Variants in FARS2 observed in about 807,000 individuals in gnomAD.
FARS2 encodes phenylalanine--tRNA ligase, mitochondrial.
A neutral mutation model predicts 46.4 loss-of-function variants in FARS2; 40 were observed. The observed-to-expected ratio is 0.86, with a 90% CI of 0.67 to 1.12. The LOEUF (loss-of-function observed/expected upper bound fraction) is 1.12. Among genes scored for constraint, FARS2 ranks in the 50% most tolerant of loss-of-function variants. FARS2 has a pLI of 0.00. For missense variants in FARS2, 513 were observed against 567.9 expected (o/e 0.90, Z 0.98); for synonymous variants, 234 against 214.9 (o/e 1.09, Z -0.78).
intron 4 of FARS2, among the ~76,000 whole-genome samples, chr6:5,487,335 G>A (rs1008231274): frequency 6.6e-6 from 1 of 152,150 alleles, no homozygotes; most frequent in East Asian, 1.9e-4. Context: ...AGCAGAGTTA[G>A]GGAGAACCAG....
intron 6 of FARS2, among the ~76,000 whole-genome samples, chr6:5,741,458 G>A (rs1194571139): frequency 6.6e-6 from 1 of 152,146 alleles, no homozygotes; most frequent in Non-Finnish European, 1.5e-5. Context: ...GGATTAGAAT[G>A]CCCAGCAGCT....
chr6:5,719,396 T>TAAAAAA (rs55695285), intron 6 of FARS2, among the ~76,000 whole-genome samples: 2 of 123,052 alleles, frequency 1.6e-5, no homozygotes, highest in African/African-American at 3.1e-5. Context: ...CAAAAAAAAT[T>TAAAAAA]AAAAAAAAAA....
chr6:5,543,578 G>A (rs1770766805), intron 4 of FARS2, among the ~76,000 whole-genome samples: 1 of 152,100 alleles, frequency 6.6e-6, no homozygotes, highest in Admixed American at 6.5e-5. Context: ...GGCCAGGCTG[G>A]TCTTGAACTC....
chr6:5,297,709 A>C (rs956497974), intron 1 of FARS2, among the ~76,000 whole-genome samples: 1 of 152,246 alleles, frequency 6.6e-6, no homozygotes, highest in Admixed American at 6.5e-5. Flanking sequence ...ACAACAACGA[A>C]ACTAAGCTTT....
intron 4 of FARS2, among the ~76,000 whole-genome samples, chr6:5,503,910 G>A (rs1218781761): frequency 2.0e-5 from 3 of 152,174 alleles, no homozygotes; most frequent in Non-Finnish European, 4.4e-5. Context: ...GGTAATGAGT[G>A]TATGAATCCT....
intron 6 of FARS2, among the ~76,000 whole-genome samples, chr6:5,740,657 G>A (rs1411033972): frequency 2.0e-5 from 3 of 152,138 alleles, no homozygotes; most frequent in East Asian, 1.9e-4. Context: ...GGAAGAAAGC[G>A]TGCTTCACCT....
intron 4 of FARS2, among the ~76,000 whole-genome samples, chr6:5,455,861 T>C (rs1764819615): frequency 6.6e-6 from 1 of 152,202 alleles, no homozygotes; most frequent in East Asian, 1.9e-4. Context: ...TTAGAAATGG[T>C]ATTTAAGATT....
chr6:5,544,748 T>A (rs1052151439), intron 4 of FARS2, among the ~76,000 whole-genome samples: 2 of 152,234 alleles, frequency 1.3e-5, no homozygotes, highest in Admixed American at 6.5e-5. Flanking sequence ...CTAAACATGT[T>A]ATGGCCACTA....
chr6:5,612,213 G>T (rs1775226970), intron 5 of FARS2, among the ~76,000 whole-genome samples: 1 of 152,190 alleles, frequency 6.6e-6, no homozygotes, highest in Admixed American at 6.5e-5. Flanking sequence ...TAGTTCTTCA[G>T]ATACTTTGCC....
intron 4 of FARS2, chr6:5,466,494 T>G (rs950357680): frequency 4.1e-6 from 4 of 975,440 alleles, no homozygotes; most frequent in Non-Finnish European, 4.9e-6. Flanking sequence ...AAATGTTTAG[T>G]GGAAGAAGAT....
intron 5 of FARS2, among the ~76,000 whole-genome samples, chr6:5,569,248 T>A (rs960020759): frequency 2.6e-5 from 4 of 151,924 alleles, no homozygotes; most frequent in African/African-American, 9.7e-5. Flanking sequence ...ATTTTTTTTT[T>A]TTTTTTGAGA....
chr6:5,341,210 TATATATATATATATA>T (rs1771563425), intron 1 of FARS2, among the ~76,000 whole-genome samples: 2 of 4,998 alleles, frequency 4.0e-4, no homozygotes, highest in Non-Finnish European at 5.0e-4. Context: ...TATATATATA[TATATATATATATATA>T]TATATATATA....
intron 6 of FARS2, among the ~76,000 whole-genome samples, chr6:5,767,789 C>T (rs957388840): frequency 3.9e-5 from 6 of 152,138 alleles, no homozygotes; most frequent in African/African-American, 9.7e-5. Flanking sequence ...GCTGCTGCTG[C>T]GCTGTTACTG....
chr6:5,525,904 CAAT>C (rs1769434340), intron 4 of FARS2, among the ~76,000 whole-genome samples: 1 of 152,212 alleles, frequency 6.6e-6, no homozygotes, highest in Admixed American at 6.5e-5. Flanking sequence ...ATGTGCAACT[CAAT>C]AAATTTTACG....
chr6:5,612,161 T>A (rs6918207), intron 5 of FARS2, among the ~76,000 whole-genome samples: 20,659 of 152,254 alleles, frequency 0.14, 1,650 homozygotes, highest in South Asian at 0.19. Flanking sequence ...TTGACAACTT[T>A]ATTGATATTT....
chr6:5,660,650 GAA>G (rs58377881), intron 6 of FARS2, among the ~76,000 whole-genome samples: 42 of 104,098 alleles, frequency 4.0e-4, no homozygotes, highest in South Asian at 1.2e-3. Flanking sequence ...CCCTGTCTCA[GAA>G]AAAAAAAAAA....
chr6:5,261,789 T>C (rs1459861307), intron 1 of FARS2, 129 bp downstream of exon 1: 1 of 152,272 alleles, frequency 6.6e-6, no homozygotes, highest in Non-Finnish European at 1.5e-5. Context: ...GTTCCCGTGG[T>C]TTTGTAACCT....
At chr6:5,705,408 C>T (rs1005571564) in intron 6 of FARS2, among the ~76,000 whole-genome samples, 5 of 152,078 alleles carry the variant, frequency 3.3e-5, no homozygotes, top group African/African-American at 4.8e-5. Context: ...AGAGCGATTG[C>T]GGTGTGCTGA....
chr6:5,447,539 A>C (rs1582132472), intron 4 of FARS2, among the ~76,000 whole-genome samples: 2 of 152,168 alleles, frequency 1.3e-5, no homozygotes, highest in Non-Finnish European at 2.9e-5. Flanking sequence ...ATTTTTAAAG[A>C]ACATTATCCA....
Sources: allele counts gnomAD v4.1 joint callset (sites outside exome capture counted in the v4.1 genomes callset), GRCh38; gene constraint gnomAD v4.1.1; transcripts MANE v1.5; gene names NCBI Gene and HGNC (gene_info 2026-07-23, HGNC 2026-07-21).